KLF12: variants seen among roughly 807,000 people sequenced by gnomAD.
KLF12 encodes KLF transcription factor 12, also known as Krueppel-like factor 12.
A neutral mutation model predicts 37.8 loss-of-function variants in KLF12; 9 were observed. That is an observed-to-expected ratio of 0.24 (90% CI 0.14 to 0.42). The LOEUF (loss-of-function observed/expected upper bound fraction) is 0.42. KLF12 is among the 10% of genes least tolerant of loss of function. The probability of loss-of-function intolerance (pLI) is 1.00; values close to 1 mark genes in which losing one functional copy is unlikely to be tolerated. For missense variants in KLF12, 411 were observed against 516.0 expected (o/e 0.80, Z 1.97); for synonymous variants, 208 against 202.1 (o/e 1.03, Z -0.25).
At chr13:73,741,603 T>A (rs1002417810) in intron 6 of KLF12, among the ~76,000 whole-genome samples, 1 of 152,160 alleles carries the variant, frequency 6.6e-6, no homozygotes, top group Non-Finnish European at 1.5e-5. Context: ...AGCTTCAGGG[T>A]CACTCATTTG....
chr13:73,888,684 A>G (rs1479516701), intron 3 of KLF12, among the ~76,000 whole-genome samples: 1 of 152,226 alleles, frequency 6.6e-6, no homozygotes, highest in East Asian at 1.9e-4. Context: ...AAGAAACAAC[A>G]ATTTTACAGA....
At chr13:74,131,489 A>T (rs1378510554) in intron 1 of KLF12, among the ~76,000 whole-genome samples, 13 of 152,228 alleles carry the variant, frequency 8.5e-5, no homozygotes. Context: ...AAGGTCTCAA[A>T]TGCTATACCA....
At chr13:74,246,408 G>A in the KLF12 span, among the ~76,000 whole-genome samples, 8 of 152,184 alleles carry the variant, frequency 5.3e-5, no homozygotes, top group African/African-American at 1.9e-4. Context: ...TGTTGCCTCG[G>A]CTTATTCCTC....
intron 2 of KLF12, among the ~76,000 whole-genome samples, chr13:73,950,271 G>C (rs1370864218): frequency 6.6e-6 from 1 of 152,160 alleles, no homozygotes; most frequent in African/African-American, 2.4e-5. Flanking sequence ...GCAAATGGAT[G>C]CTTTTCAAAA....
At chr13:74,189,083 A>G in the KLF12 span, among the ~76,000 whole-genome samples, 1 of 152,208 alleles carries the variant, frequency 6.6e-6, no homozygotes, top group Non-Finnish European at 1.5e-5. Context: ...GTGCCTCATG[A>G]ATATGCAAAT....
the KLF12 span, among the ~76,000 whole-genome samples, chr13:74,204,640 C>G: frequency 8.5e-5 from 13 of 152,198 alleles, no homozygotes; most frequent in East Asian, 1.7e-3. Flanking sequence ...CATAGAATGG[C>G]TTGCCTTCTT....
At chr13:74,259,330 A>G in the KLF12 span, 2 of 152,190 alleles carry the variant, frequency 1.3e-5, no homozygotes, top group Non-Finnish European at 2.9e-5. Flanking sequence ...TCTAGACCAT[A>G]GTTTCTCAGA....
the KLF12 span, among the ~76,000 whole-genome samples, chr13:74,213,889 C>G: frequency 1.5e-4 from 23 of 152,098 alleles, no homozygotes; most frequent in South Asian, 6.2e-4. Context: ...ATTTTAATTA[C>G]TATGTATTTC....
intron 1 of KLF12, among the ~76,000 whole-genome samples, chr13:73,999,745 A>AACAAAT (rs1260392993): frequency 2.0e-5 from 3 of 152,046 alleles, no homozygotes; most frequent in Non-Finnish European, 4.4e-5. Context: ...ATCTCAAAAA[A>AACAAAT]ACAAAAACAA....
At chr13:73,777,824 C>CT (rs1880711211) in intron 5 of KLF12, among the ~76,000 whole-genome samples, 1 of 151,910 alleles carries the variant, frequency 6.6e-6, no homozygotes, top group East Asian at 2.0e-4. Flanking sequence ...CTCCCTTACT[C>CT]TGTCTTTTTT....
chr13:74,010,765 C>T (rs1247648169), intron 1 of KLF12, among the ~76,000 whole-genome samples: 1 of 151,934 alleles, frequency 6.6e-6, no homozygotes, highest in Non-Finnish European at 1.5e-5. Flanking sequence ...TTAAATTATG[C>T]TAATTTAAGA....
At chr13:73,878,877 A>G (rs1324878447) in intron 3 of KLF12, among the ~76,000 whole-genome samples, 1 of 152,146 alleles carries the variant, frequency 6.6e-6, no homozygotes, top group East Asian at 1.9e-4. Flanking sequence ...GGCAGGAAAC[A>G]TGGGAGGAGC....
the KLF12 span, among the ~76,000 whole-genome samples, chr13:74,248,888 G>A: frequency 6.6e-6 from 1 of 152,096 alleles, no homozygotes; most frequent in Non-Finnish European, 1.5e-5. Flanking sequence ...TTGAAGTGGG[G>A]AACAAGGGAA....
At chr13:74,268,982 G>A in the KLF12 span, among the ~76,000 whole-genome samples, 3 of 152,170 alleles carry the variant, frequency 2.0e-5, no homozygotes, top group African/African-American at 4.8e-5. Flanking sequence ...AGGCAGAAAG[G>A]AGAATGGACA....
intron 2 of KLF12, among the ~76,000 whole-genome samples, chr13:73,969,135 G>C (rs964535818): frequency 6.6e-6 from 1 of 152,064 alleles, no homozygotes; most frequent in Non-Finnish European, 1.5e-5. Flanking sequence ...TGCATCAGGA[G>C]GGAAGAATAT....
intron 2 of KLF12, among the ~76,000 whole-genome samples, chr13:73,977,354 C>G (rs1234905149): frequency 1.3e-5 from 2 of 152,100 alleles, no homozygotes; most frequent in African/African-American, 4.8e-5. Context: ...AGATAACATA[C>G]ATTCTTTTCA....
the KLF12 span, among the ~76,000 whole-genome samples, chr13:74,300,181 G>A: frequency 6.6e-6 from 1 of 151,910 alleles, no homozygotes; most frequent in Non-Finnish European, 1.5e-5. Context: ...AGAATGAGAG[G>A]GGAATTTCAA....
At chr13:73,969,061 C>T (rs1429021057) in intron 2 of KLF12, among the ~76,000 whole-genome samples, 3 of 150,840 alleles carry the variant, frequency 2.0e-5, no homozygotes, top group South Asian at 2.1e-4. Context: ...AGCAATTATT[C>T]GAAAATTCTT....
At chr13:73,965,542 T>G (rs1477575345) in intron 2 of KLF12, among the ~76,000 whole-genome samples, 1 of 152,166 alleles carries the variant, frequency 6.6e-6, no homozygotes, top group African/African-American at 2.4e-5. Context: ...GCCAAAGATC[T>G]TGCGCTTGTA....
Sources: allele counts gnomAD v4.1 joint callset (sites outside exome capture counted in the v4.1 genomes callset), GRCh38; gene constraint gnomAD v4.1.1; transcripts MANE v1.5; gene names NCBI Gene and HGNC (gene_info 2026-07-23, HGNC 2026-07-21).